FBXL13: variants seen among roughly 807,000 people sequenced by gnomAD.
The protein encoded by FBXL13 is F-box and leucine rich repeat protein 13.
In FBXL13, 67 loss-of-function variants were observed where a neutral mutation model predicts 83.6. The observed-to-expected ratio is 0.80, with a 90% CI of 0.66 to 0.98. FBXL13 has a LOEUF of 0.98. FBXL13 is among the 50% of genes least tolerant of loss of function. The probability of loss-of-function intolerance (pLI) is 0.00; values close to 1 mark genes in which losing one functional copy is unlikely to be tolerated. For synonymous variants in FBXL13, 272 were observed against 299.5 expected, an observed-to-expected ratio of 0.91 and a Z score of 0.95; for missense variants, 822 against 866.5, an observed-to-expected ratio of 0.95 and a Z score of 0.64.
intron 6 of FBXL13, among the ~76,000 whole-genome samples, chr7:102,985,991 C>G (rs1227814064): frequency 6.6e-6 from 1 of 151,146 alleles, no homozygotes; most frequent in Non-Finnish European, 1.5e-5. Context: ...TAATCCACAC[C>G]CCACATCCCT....
chr7:102,821,929 T>G (rs1798855327), intron 19 of FBXL13, 111 bp downstream of exon 20: 4 of 1,198,438 alleles, frequency 3.3e-6, no homozygotes, highest in Non-Finnish European at 4.7e-6. Context: ...TAAAATGAAA[T>G]GAAACTTCCT....
At chr7:102,871,218 C>T (rs569937566) in intron 16 of FBXL13, among the ~76,000 whole-genome samples, 20 of 152,114 alleles carry the variant, frequency 1.3e-4, no homozygotes, top group South Asian at 6.2e-4. Flanking sequence ...TCTGCAGGTC[C>T]GGTAATCATT....
chr7:102,821,994 C>A, intron 19 of FBXL13, 46 bp downstream of exon 20: 1 of 1,588,612 alleles, frequency 6.3e-7, no homozygotes, highest in South Asian at 1.1e-5. Context: ...TATGTTTTCT[C>A]AGAAAGTAGT....
intron 1 of FBXL13, among the ~76,000 whole-genome samples, chr7:103,059,155 A>G (rs1315080568): frequency 6.6e-6 from 1 of 152,064 alleles, no homozygotes; most frequent in Non-Finnish European, 1.5e-5. Flanking sequence ...CTGTAGCCCT[A>G]GCTACTTGCT....
intron 11 of FBXL13, chr7:102,912,879 C>T: frequency 1.8e-6 from 1 of 556,766 alleles, no homozygotes; most frequent in South Asian, 2.8e-5. Context: ...GCCTGTTTGT[C>T]TGTGTGACAC....
intron 16 of FBXL13, among the ~76,000 whole-genome samples, chr7:102,875,329 G>A (rs896899796): frequency 1.3e-5 from 2 of 152,088 alleles, no homozygotes; most frequent in Non-Finnish European, 2.9e-5. Flanking sequence ...ATGAGAAAAG[G>A]GGAGAGAAGA....
chr7:103,063,712 C>CTTTTTTTTTT lies in FBXL13; in HGVS notation c.-104-7975_-104-7966dup, dbSNP rs34739663. 3.9e-5 allele frequency among the ~76,000 whole-genome samples: 4 copies of CTTTTTTTTTT among 101,692 alleles called. 1 individual carries two copies. Among genetic ancestry groups the CTTTTTTTTTT allele is most frequent in the Non-Finnish European group, 5.7e-5 (3 of 52,818 alleles). 66.7% of individuals were successfully genotyped at this position (101,692 alleles called of 152,430 possible). On this transcript the variant is annotated intron_variant, in intron 1 of 19. Transcript: ENST00000313221. ...GGTGAAGCCTAGAATCAAACTTAGG[C>CTTTTTTTTTT]TTTTTTTTTTTTTTTTTTTTTCTGT...
intron 6 of FBXL13, among the ~76,000 whole-genome samples, chr7:102,995,432 G>T (rs1266960469): frequency 6.0e-5 from 8 of 132,944 alleles, no homozygotes; most frequent in Non-Finnish European, 1.2e-4. Flanking sequence ...AGTGAGCTGA[G>T]ATCGCACCAC....
At chr7:102,885,954 CT>C (rs1315275930) in intron 11 of FBXL13, among the ~76,000 whole-genome samples, 1 of 152,124 alleles carries the variant, frequency 6.6e-6, no homozygotes, top group Non-Finnish European at 1.5e-5. Context: ...TATTTCTGGA[CT>C]GTCAATTCTA....
chr7:102,860,956 A>G (rs926345307), intron 16 of FBXL13, among the ~76,000 whole-genome samples: 5 of 151,610 alleles, frequency 3.3e-5, no homozygotes, highest in Non-Finnish European at 7.4e-5. Flanking sequence ...AATTTTATAT[A>G]CATATGCATA....
rs1287957682 is a variant in FBXL13, at chr7:103,024,849, A to T, written c.495+214T>A. Among the ~76,000 whole-genome samples the T allele has an allele frequency of 2.6e-3, 282 of 106,972 alleles. 4 individuals are homozygous for T. Among genetic ancestry groups the T allele is most frequent in the African/African-American group, 0.012 (267 of 22,700 alleles). The allele number at this position is 106,972 out of a possible 152,430, so 70.2% of individuals were successfully genotyped here. ...TATATATGTGTATATATATATATATATATATATATTTTTTTTTTTTTTTTT... is the reference window on the plus strand; with the variant it reads ...TATATATGTGTATATATATATATATTTATATATATTTTTTTTTTTTTTTTT... On this transcript the variant is annotated intron_variant, in intron 6 of 19. Transcript: ENST00000313221.
At chr7:103,026,604 C>T (rs956521838) in intron 5 of FBXL13, among the ~76,000 whole-genome samples, 1 of 152,172 alleles carries the variant, frequency 6.6e-6, no homozygotes, top group South Asian at 2.1e-4. Context: ...TTCTAGAGAG[C>T]ATCTCAAGTA....
At chr7:102,945,710 C>G (rs1463406642) in intron 8 of FBXL13, among the ~76,000 whole-genome samples, 1 of 152,148 alleles carries the variant, frequency 6.6e-6, no homozygotes, top group Non-Finnish European at 1.5e-5. Context: ...TTCGCATGTC[C>G]TTAGTGAGAT....
intron 6 of FBXL13, among the ~76,000 whole-genome samples, chr7:102,999,212 T>C (rs896969480): frequency 1.3e-5 from 2 of 152,210 alleles, no homozygotes; most frequent in Non-Finnish European, 2.9e-5. Flanking sequence ...GTTGATGAGA[T>C]GTATTATGTT....
intron 15 of FBXL13, 54 bp from the exon 17 acceptor site, chr7:102,877,647 C>T: frequency 6.5e-7 from 1 of 1,536,148 alleles, no homozygotes; most frequent in East Asian, 2.4e-5. Flanking sequence ...TGTCAGTAAG[C>T]AATTTCTTCA....
intron 1 of FBXL13, among the ~76,000 whole-genome samples, chr7:103,066,375 T>C (rs1028973274): frequency 6.6e-6 from 1 of 152,000 alleles, no homozygotes; most frequent in Non-Finnish European, 1.5e-5. Context: ...ATATTTTTTG[T>C]GGCTATTATG....
chr7:102,864,436 T>G (rs1807329633), intron 16 of FBXL13, among the ~76,000 whole-genome samples: 1 of 152,042 alleles, frequency 6.6e-6, no homozygotes, highest in African/African-American at 2.4e-5. Context: ...TGGTGCAATT[T>G]CGGCTCACTG....
chr7:102,878,632 A>G (rs1186377688), intron 14 of FBXL13, among the ~76,000 whole-genome samples, 182 bp from the exon 16 acceptor site: 1 of 152,238 alleles, frequency 6.6e-6, no homozygotes, highest in African/African-American at 2.4e-5. Context: ...AATAAAATGT[A>G]TAAATGAGAG....
chr7:102,860,360 G>C (rs940293909), intron 16 of FBXL13, among the ~76,000 whole-genome samples: 1 of 152,182 alleles, frequency 6.6e-6, no homozygotes, highest in African/African-American at 2.4e-5. Flanking sequence ...ACAGAGGAAG[G>C]AGATTTTGAA....
Sources: allele counts gnomAD v4.1 joint callset (sites outside exome capture counted in the v4.1 genomes callset), GRCh38; gene constraint gnomAD v4.1.1; transcripts MANE v1.5; gene names NCBI Gene and HGNC (gene_info 2026-07-23, HGNC 2026-07-21).